The following FBN2 variants were observed in gnomAD, a reference collection of about 807,000 sequenced individuals.
FBN2 encodes the protein fibrillin 2.
FBN2 carries 105 observed loss-of-function variants against 355.6 expected under a neutral mutation model. The ratio of observed to expected loss-of-function variants is 0.30; its 90% CI spans 0.25 to 0.35. The LOEUF is 0.35. FBN2 is among the 10% of genes least tolerant of loss of function. The probability of loss-of-function intolerance (pLI) is 1.00; values close to 1 mark genes in which losing one functional copy is unlikely to be tolerated. For synonymous variants in FBN2, 1,350 were observed against 1,301.2 expected (o/e 1.04, Z -0.81); for missense variants, 3,280 against 3,758.7 (o/e 0.87, Z 3.33).
At chr5:128,513,964 T>G (rs1756204727) in intron 5 of FBN2, among the ~76,000 whole-genome samples, 1 of 152,102 alleles carries the variant, frequency 6.6e-6, no homozygotes, top group Non-Finnish European at 1.5e-5. Flanking sequence ...TAAGGCTAAG[T>G]TTAGCTTAGA....
chr5:128,277,289 G>A (rs1765418537), intron 58 of FBN2, among the ~76,000 whole-genome samples: 1 of 152,178 alleles, frequency 6.6e-6, no homozygotes, highest in African/African-American at 2.4e-5. Flanking sequence ...TCATATATAG[G>A]TGTGAGTGAG....
chr5:128,298,205 C>T (rs958818349), intron 48 of FBN2, among the ~76,000 whole-genome samples: 108 of 152,078 alleles, frequency 7.1e-4, no homozygotes, highest in African/African-American at 2.3e-3. Flanking sequence ...CCGAGAGATC[C>T]GCTGTTAGTC....
At position 128,259,409 on chromosome 5, in the gene FBN2, G is replaced by T. The variant is rs2126791436; in HGVS notation, c.*46C>A. On this transcript the variant is annotated 3_prime_UTR_variant, in exon 65 of 65. Coordinates refer to ENST00000262464, the MANE Select transcript of FBN2 (RefSeq NM_001999.4). ...CCTTGACTTTTCAAATGCTTCTGCA[G>T]ACTGGCTGTGCTAGGATTTGAGCCT... The T allele has an allele frequency of 6.2e-7, 1 of 1,608,840 alleles. No individual in the cohort carries two copies. The highest frequency in any genetic ancestry group is 8.5e-7 in the Non-Finnish European group (1 of 1,176,934).
intron 19 of FBN2, 111 bp downstream of exon 19, chr5:128,361,612 A>C (rs1751639104): frequency 1.5e-6 from 2 of 1,350,520 alleles, no homozygotes; most frequent in African/African-American, 2.9e-5. Context: ...ATTATAAAAT[A>C]AAATATTCAA....
intron 58 of FBN2, among the ~76,000 whole-genome samples, chr5:128,277,400 T>A (rs1765421340): frequency 6.6e-6 from 1 of 152,222 alleles, no homozygotes; most frequent in African/African-American, 2.4e-5. Flanking sequence ...TAATGCTTAC[T>A]TGGTATACTT....
chr5:128,353,145 G>T (rs974600791), intron 20 of FBN2, among the ~76,000 whole-genome samples: 8 of 151,348 alleles, frequency 5.3e-5, no homozygotes, highest in East Asian at 1.9e-4. Context: ...TCTAGCCTGG[G>T]TGACACAGTG....
At chr5:128,440,198 A>G (rs1270043847) in intron 7 of FBN2, among the ~76,000 whole-genome samples, 1 of 152,190 alleles carries the variant, frequency 6.6e-6, no homozygotes, top group African/African-American at 2.4e-5. Context: ...TTATCTTTCC[A>G]TAGGAATAGT....
intron 48 of FBN2, among the ~76,000 whole-genome samples, chr5:128,295,140 AG>A (rs1314411414): frequency 7.5e-5 from 11 of 147,358 alleles, no homozygotes; most frequent in African/African-American, 2.7e-4. Flanking sequence ...AAGATCAGAT[AG>A]TTGTAGATAT....
chr5:128,444,755 A>G (rs536858153), intron 7 of FBN2, among the ~76,000 whole-genome samples: 6 of 152,340 alleles, frequency 3.9e-5, no homozygotes, highest in African/African-American at 1.4e-4. Flanking sequence ...TGCTGCTTTG[A>G]TGAAATGTAA....
At chr5:128,321,966 CTT>C (rs759997662) in intron 34 of FBN2, among the ~76,000 whole-genome samples, 13 of 152,156 alleles carry the variant, frequency 8.5e-5, no homozygotes, top group Non-Finnish European at 1.8e-4. Flanking sequence ...TGTTTCCTGA[CTT>C]TTTAATGATC....
At position 128,297,049 on chromosome 5, in the gene FBN2, G is replaced by A. The variant is rs888556935; in HGVS notation, c.6166+3768C>T. On this transcript the variant is annotated intron_variant, in intron 48 of 64. Coordinates refer to ENST00000262464, the MANE Select transcript of FBN2 (RefSeq NM_001999.4). ...TCTGGTATGTTGTGTCTTTGTTCTC[G>A]CTGGTTTCAAATAACATCTTTATTT... Among the ~76,000 whole-genome samples the A allele has an allele frequency of 1.1e-3, 173 of 152,042 alleles. 1 individual carries two copies. Among genetic ancestry groups the A allele is most frequent in the African/African-American group, 3.3e-3 (138 of 41,496 alleles).
chr5:128,316,723 T>C (rs1359975848), intron 36 of FBN2, among the ~76,000 whole-genome samples: 1 of 152,236 alleles, frequency 6.6e-6, no homozygotes, highest in Non-Finnish European at 1.5e-5. Context: ...GGCATTCATA[T>C]AATTGTTTCA....
intron 54 of FBN2, 70 bp downstream of exon 54, chr5:128,287,238 A>G (rs547326762): frequency 1.9e-6 from 3 of 1,557,938 alleles, no homozygotes; most frequent in Non-Finnish European, 2.7e-6. Context: ...GTTGAGAACT[A>G]TAAAATCATT....
At chr5:128,344,161 G>A (rs1751103316) in intron 25 of FBN2, among the ~76,000 whole-genome samples, 1 of 152,130 alleles carries the variant, frequency 6.6e-6, no homozygotes, top group African/African-American at 2.4e-5. Context: ...TGAGGTGGAG[G>A]GACTACTTGA....
intron 6 of FBN2, among the ~76,000 whole-genome samples, chr5:128,458,046 G>C (rs561261733): frequency 9.2e-4 from 140 of 152,226 alleles, no homozygotes; most frequent in Middle Eastern, 3.4e-3. Flanking sequence ...AGACCCATCG[G>C]TGTGCGTGTG....
chr5:128,453,417 A>G (rs1581310661), intron 6 of FBN2, among the ~76,000 whole-genome samples: 1 of 152,252 alleles, frequency 6.6e-6, no homozygotes, highest in African/African-American at 2.4e-5. Flanking sequence ...ATCATATAGC[A>G]CCTGGACTAC....
chr5:128,354,484 T>A (rs1360510015), intron 20 of FBN2, among the ~76,000 whole-genome samples: 1 of 152,170 alleles, frequency 6.6e-6, no homozygotes, highest in Non-Finnish European at 1.5e-5. Flanking sequence ...TGCTCTGATT[T>A]ATGTTTTAAA....
intron 16 of FBN2, among the ~76,000 whole-genome samples, chr5:128,367,719 T>A (rs1751810356): frequency 6.6e-6 from 1 of 152,138 alleles, no homozygotes; most frequent in Non-Finnish European, 1.5e-5. Context: ...CTTTGTTATA[T>A]CCTAATTCCT....
At chr5:128,442,015 A>G (rs767385575) in intron 7 of FBN2, 2 of 191,080 alleles carry the variant, frequency 1.0e-5, no homozygotes, top group Non-Finnish European at 2.2e-5. Context: ...TTTAGTACAG[A>G]AAGTTTATTT....
Sources: allele counts gnomAD v4.1 joint callset (sites outside exome capture counted in the v4.1 genomes callset), GRCh38; gene constraint gnomAD v4.1.1; transcripts MANE v1.5; gene names NCBI Gene and HGNC (gene_info 2026-07-23, HGNC 2026-07-21).